The following SLC4A10 variants were observed in gnomAD, a reference collection of about 807,000 sequenced individuals.
SLC4A10 encodes solute carrier family 4 member 10, also known as sodium-driven chloride bicarbonate exchanger.
Under a neutral mutation model 137.7 loss-of-function variants are expected in SLC4A10, and 42 were observed. The ratio of observed to expected loss-of-function variants is 0.30; its 90% CI spans 0.24 to 0.39. SLC4A10 has a LOEUF of 0.39. Ranked by LOEUF, SLC4A10 falls within the 10% of genes least tolerant of loss-of-function variation. The pLI is 1.00. For synonymous variants in SLC4A10, 474 were observed against 464.1 expected, an observed-to-expected ratio of 1.02 and a Z score of -0.27; for missense variants, 925 against 1,355.0, an observed-to-expected ratio of 0.68 and a Z score of 4.98.
At chr2:161,888,180 G>C (rs2062521408) in intron 10 of SLC4A10, among the ~76,000 whole-genome samples, 3 of 151,626 alleles carry the variant, frequency 2.0e-5, no homozygotes, top group Admixed American at 2.0e-4. Context: ...TTGGATACAA[G>C]TGCCCTGTGG....
intron 2 of SLC4A10, among the ~76,000 whole-genome samples, chr2:161,800,349 C>T (rs953421193): frequency 6.6e-6 from 1 of 151,996 alleles, no homozygotes; most frequent in Non-Finnish European, 1.5e-5. Flanking sequence ...ATCTATTATA[C>T]TTGAAAACCA....
In SLC4A10 at chr2:161,983,162, T is replaced by A; in HGVS notation, c.*27-17T>A. 1 of 1,533,486 alleles carries A rather than the reference T, an allele frequency of 6.5e-7. No individual in the cohort carries two copies. Among genetic ancestry groups the A allele is most frequent in the East Asian group, 2.4e-5 (1 of 40,828 alleles). The allele number at this position is 1,533,486 out of a possible 1,614,324, so 95.0% of individuals were successfully genotyped here. A position where few individuals can be genotyped will look rare whatever the true frequency, so the allele number is the denominator to read the frequency against. ...CTGGATTGCAGTAATAAATGTGTCC[T>A]TTTTTTCCTTCTGTAGCATTGAAAG... On this transcript the variant is annotated splice_polypyrimidine_tract_variant and intron_variant, in intron 26 of 26. Coordinates refer to ENST00000446997, the MANE Select transcript of SLC4A10 (RefSeq NM_001178015.2).
intron 6 of SLC4A10, 93 bp from the exon 7 acceptor site, chr2:161,872,200 G>A: frequency 3.9e-6 from 3 of 766,482 alleles, no homozygotes; most frequent in East Asian, 5.1e-5. Context: ...TAAGAAACCT[G>A]TTAGTCTAGT....
chr2:161,763,902 AT>A (rs1384783473), intron 1 of SLC4A10, among the ~76,000 whole-genome samples: 1 of 152,172 alleles, frequency 6.6e-6, no homozygotes, highest in East Asian at 1.9e-4. Flanking sequence ...TAAAAATGAT[AT>A]GATAAATAAA....
At chr2:161,785,516 T>A (rs1464036936) in intron 2 of SLC4A10, among the ~76,000 whole-genome samples, 1 of 151,696 alleles carries the variant, frequency 6.6e-6, no homozygotes, top group Non-Finnish European at 1.5e-5. Flanking sequence ...CATTAAAAAG[T>A]CATATGATAT....
rs2060583814 is a variant in SLC4A10 at position 161,863,952 on chromosome 2, A to C, written c.766+890A>C. Among the ~76,000 whole-genome samples, 3 of 152,288 alleles carry C rather than the reference A, an allele frequency of 2.0e-5. No homozygotes were observed. In the South Asian group the frequency reaches 6.2e-4, roughly 32 times the overall value. On this transcript the variant is annotated intron_variant, in intron 6 of 26. Transcript: ENST00000446997. The stretch of plus-strand genomic sequence containing the variant: ...CGCAGTGGCTCACTCCTGTAATCCC[A>C]GCACTTTGGGAGGCCGAGGCGGGCG...
chr2:161,910,264 A>G (rs1389138776), intron 15 of SLC4A10, among the ~76,000 whole-genome samples: 2 of 152,142 alleles, frequency 1.3e-5, no homozygotes, highest in Non-Finnish European at 2.9e-5. Context: ...CTAACCTTAT[A>G]ATATGGTAAT....
chr2:161,966,892 A>C (rs910861221), intron 23 of SLC4A10, among the ~76,000 whole-genome samples: 4 of 152,336 alleles, frequency 2.6e-5, no homozygotes, highest in Non-Finnish European at 4.4e-5. Context: ...GGACACTAGA[A>C]CACAGAAATT....
intron 1 of SLC4A10, among the ~76,000 whole-genome samples, chr2:161,642,785 C>A (rs1017439489): frequency 1.4e-4 from 21 of 151,958 alleles, no homozygotes; most frequent in African/African-American, 5.1e-4. Flanking sequence ...TGTAGATGAT[C>A]CATGATTCAT....
At chr2:161,936,311 G>A (rs938871278) in intron 15 of SLC4A10, among the ~76,000 whole-genome samples, 1 of 152,130 alleles carries the variant, frequency 6.6e-6, no homozygotes, top group African/African-American at 2.4e-5. Context: ...GAGTTTGGAT[G>A]TACTTCTCTT....
intron 1 of SLC4A10, among the ~76,000 whole-genome samples, chr2:161,677,849 C>A (rs550121224): frequency 2.0e-5 from 3 of 152,100 alleles, no homozygotes; most frequent in African/African-American, 7.2e-5. Flanking sequence ...CACAATGGCA[C>A]GTGGGACTTT....
At chr2:161,966,167 T>C (rs1396891646) in intron 23 of SLC4A10, among the ~76,000 whole-genome samples, 1 of 152,204 alleles carries the variant, frequency 6.6e-6, no homozygotes, top group East Asian at 1.9e-4. Context: ...TGAGGTTTTT[T>C]CTTTCTCAGA....
chr2:161,631,851 C>G (rs1469049962), intron 1 of SLC4A10, among the ~76,000 whole-genome samples: 1 of 151,654 alleles, frequency 6.6e-6, no homozygotes, highest in African/African-American at 2.4e-5. Context: ...GGAGATTAAT[C>G]TACAAACTCA....
chr2:161,983,218 A>C lies in SLC4A10; in HGVS notation c.*66A>C. On this transcript the variant is annotated 3_prime_UTR_variant, in exon 27 of 27. Coordinates refer to ENST00000446997, the MANE Select transcript of SLC4A10 (RefSeq NM_001178015.2). ...AAGAGAAGAAAGCTGACTCAGGGAA[A>C]GGTGTTGACAGGGAGACTTGTCTAT... 6.5e-7 allele frequency: 1 copy of C among 1,536,792 alleles called. No homozygotes were observed. Among genetic ancestry groups the C allele is most frequent in the Non-Finnish European group, 8.7e-7 (1 of 1,147,038 alleles).
chr2:161,718,223 A>G (rs916126281), intron 1 of SLC4A10, among the ~76,000 whole-genome samples: 11 of 150,786 alleles, frequency 7.3e-5, no homozygotes, highest in African/African-American at 2.7e-4. Context: ...TAGCTATTTT[A>G]TTAATTTTTT....
chr2:161,852,344 C>A (rs1186312073), intron 4 of SLC4A10, among the ~76,000 whole-genome samples: 1 of 152,098 alleles, frequency 6.6e-6, no homozygotes, highest in Non-Finnish European at 1.5e-5. Flanking sequence ...ATATAGTCTC[C>A]CTTCCTTTTG....
chr2:161,784,288 T>C (rs370963841), intron 2 of SLC4A10, among the ~76,000 whole-genome samples: 19 of 151,886 alleles, frequency 1.3e-4, no homozygotes, highest in South Asian at 8.3e-4. Context: ...ACAATAATAG[T>C]AGGATATTTC....
intron 1 of SLC4A10, among the ~76,000 whole-genome samples, chr2:161,722,830 T>C (rs1395699616): frequency 1.3e-5 from 2 of 152,170 alleles, no homozygotes; most frequent in Non-Finnish European, 2.9e-5. Context: ...AGGGCCTCCA[T>C]CCCAGGGAGA....
chr2:161,958,829 A>G (rs1417789975), intron 21 of SLC4A10, among the ~76,000 whole-genome samples: 2 of 152,220 alleles, frequency 1.3e-5, no homozygotes, highest in African/African-American at 4.8e-5. Context: ...ATAGTAGTAT[A>G]TTTCAATATA....
Sources: allele counts gnomAD v4.1 joint callset (sites outside exome capture counted in the v4.1 genomes callset), GRCh38; gene constraint gnomAD v4.1.1; transcripts MANE v1.5; gene names NCBI Gene and HGNC (gene_info 2026-07-23, HGNC 2026-07-21).